ARID4B: variants seen among roughly 807,000 people sequenced by gnomAD.
ARID4B encodes the protein AT-rich interaction domain 4B.
In ARID4B, 26 loss-of-function variants were observed where a neutral mutation model predicts 147.5. The ratio of observed to expected loss-of-function variants is 0.18; its 90% CI spans 0.13 to 0.24. The LOEUF is 0.24. ARID4B is among the 10% of genes least tolerant of loss of function. The pLI, the probability that ARID4B is intolerant of heterozygous loss-of-function variation, is 1.00. For missense variants in ARID4B, 1,179 were observed against 1,511.5 expected, an observed-to-expected ratio of 0.78 and a Z score of 3.65; for synonymous variants, 512 against 507.9, an observed-to-expected ratio of 1.01 and a Z score of -0.11.
At chr1:235,247,910 C>T (rs1241167679) in intron 6 of ARID4B, among the ~76,000 whole-genome samples, 2 of 152,066 alleles carry the variant, frequency 1.3e-5, no homozygotes, top group South Asian at 2.1e-4. Flanking sequence ...ATCGCTTGAA[C>T]CCGGCAGGCA....
chr1:235,238,986 CT>C (rs5781822), intron 8 of ARID4B, among the ~76,000 whole-genome samples: 62,258 of 139,094 alleles, frequency 0.45, 13,480 homozygotes, highest in South Asian at 0.59. Context: ...TTTTTTTCTT[CT>C]TTTTTTTTTT....
At chr1:235,253,220 A>G (rs1669750272) in intron 5 of ARID4B, among the ~76,000 whole-genome samples, 1 of 152,238 alleles carries the variant, frequency 6.6e-6, no homozygotes. Context: ...CTTTAAAAAA[A>G]TAACTGTATT....
chr1:235,320,075 C>T (rs527967665), intron 2 of ARID4B, among the ~76,000 whole-genome samples: 5 of 151,336 alleles, frequency 3.3e-5, no homozygotes, highest in East Asian at 1.9e-4. Flanking sequence ...TGCAGTGAGC[C>T]GAGATCGTGC....
chr1:235,263,830 A>C (rs1271621331), intron 2 of ARID4B, among the ~76,000 whole-genome samples: 1 of 151,944 alleles, frequency 6.6e-6, no homozygotes, highest in African/African-American at 2.4e-5. Flanking sequence ...TACTAAAAAA[A>C]AAAAATACAA....
At chr1:235,297,389 A>C (rs1672813188) in intron 2 of ARID4B, among the ~76,000 whole-genome samples, 1 of 152,214 alleles carries the variant, frequency 6.6e-6, no homozygotes, top group African/African-American at 2.4e-5. Flanking sequence ...GAGAGGAATT[A>C]AATTTTTATA....
chr1:235,232,776 T>C (rs900846306), intron 9 of ARID4B, among the ~76,000 whole-genome samples: 1 of 152,200 alleles, frequency 6.6e-6, no homozygotes, highest in Non-Finnish European at 1.5e-5. Context: ...ATTCAATTTC[T>C]GTGCTCAAAT....
chr1:235,285,409 A>G (rs1405649726), intron 2 of ARID4B, among the ~76,000 whole-genome samples: 3 of 152,220 alleles, frequency 2.0e-5, no homozygotes, highest in Non-Finnish European at 4.4e-5. Context: ...TACAAAATCC[A>G]TAAGCCACTC....
Position 235,219,865 on chromosome 1 carries a change from T to C in ARID4B, c.1511A>G (p.Asp504Gly). Residue 504 changes from aspartate (D) to glycine (G), a missense_variant, in exon 16 of 24, where the codon GAT (aspartate) becomes GGT (glycine). By Grantham distance (94) the Asp-to-Gly change is moderately conservative. Transcript: ENST00000264183. The part of the protein sequence containing the change: ...PEDNENLDDK[D>G]DDTTRVDESL... ...TTCATCTACCCTAGTTGTGTCATCATCTTTGTCATCCAGATTTTCATTGTC... is the reference window on the plus strand; with the variant it reads ...TTCATCTACCCTAGTTGTGTCATCACCTTTGTCATCCAGATTTTCATTGTC... The C allele has an allele frequency of 6.2e-7, 1 of 1,609,964 alleles. No individual in the cohort carries two copies. Among genetic ancestry groups the C allele is most frequent in the Non-Finnish European group, 8.5e-7 (1 of 1,178,550 alleles).
intron 2 of ARID4B, among the ~76,000 whole-genome samples, chr1:235,310,396 TAAC>T (rs1673965276): frequency 6.6e-6 from 1 of 152,198 alleles, no homozygotes; most frequent in Admixed American, 6.5e-5. Flanking sequence ...TTCAGTTTAC[TAAC>T]AAAAGAACAG....
chr1:235,268,111 G>A (rs74148461), intron 2 of ARID4B, among the ~76,000 whole-genome samples: 6,045 of 152,114 alleles, frequency 0.04, 448 homozygotes, highest in African/African-American at 0.14. Flanking sequence ...GTCCTGTGGC[G>A]GAGGACATGG....
At chr1:235,327,217 A>C in intron 1 of ARID4B, 1 of 342,026 alleles carries the variant, frequency 2.9e-6, no homozygotes. Context: ...CCCGTCTACG[A>C]CAATGACGCC....
chr1:235,284,322 T>G (rs1242138377), intron 2 of ARID4B, among the ~76,000 whole-genome samples: 1 of 152,160 alleles, frequency 6.6e-6, no homozygotes, highest in African/African-American at 2.4e-5. Context: ...ATTATGCCAC[T>G]GCACTCCAGC....
chr1:235,213,678 A>C (rs1666854531), intron 17 of ARID4B, 91 bp downstream of exon 17: 1 of 1,372,304 alleles, frequency 7.3e-7, no homozygotes, highest in South Asian at 1.5e-5. Flanking sequence ...TAGAATACTA[A>C]TAAATCTGTA....
chr1:235,309,492 C>T (rs1409568276), intron 2 of ARID4B, among the ~76,000 whole-genome samples: 1 of 149,344 alleles, frequency 6.7e-6, no homozygotes, highest in Non-Finnish European at 1.5e-5. Context: ...CCCGGCCGCC[C>T]CTACTGGAAA....
chr1:235,272,040 G>T (rs1249549223), intron 2 of ARID4B, among the ~76,000 whole-genome samples: 1 of 152,036 alleles, frequency 6.6e-6, no homozygotes, highest in Admixed American at 6.5e-5. Context: ...GATTTTGAAA[G>T]ACGTCATCAA....
chr1:235,174,435 T>A (rs1663701740), intron 22 of ARID4B, among the ~76,000 whole-genome samples: 1 of 152,172 alleles, frequency 6.6e-6, no homozygotes. Context: ...CCAAATAAGG[T>A]CTATACATTG....
chr1:235,285,369 T>A (rs1671907475), intron 2 of ARID4B, among the ~76,000 whole-genome samples: 1 of 152,150 alleles, frequency 6.6e-6, no homozygotes. Context: ...ACAGATTACC[T>A]CAATATATCC....
At chr1:235,257,083 G>A in intron 4 of ARID4B, 77 bp downstream of exon 4, 3 of 968,834 alleles carry the variant, frequency 3.1e-6, no homozygotes, top group South Asian at 1.4e-5. Flanking sequence ...AATAACAAAA[G>A]AGCCAATGAA....
Position 235,257,142 on chromosome 1 carries a change from AATGAATAC to A in ARID4B, c.183+10_183+17del. The A allele has an allele frequency of 6.4e-7, 1 of 1,565,874 alleles. No individual in the cohort carries two copies. Among genetic ancestry groups the A allele is most frequent in the African/African-American group, 1.4e-5 (1 of 74,028 alleles). On this transcript the variant is annotated intron_variant, in intron 4 of 23. Coordinates refer to ENST00000264183, the MANE Select transcript of ARID4B (RefSeq NM_016374.6). ...TTCCCAAACAACCATTAGAATTAAC[AATGAATAC>A]ATGAATTACCTTTAGTGGGCCCTTT...
Sources: gnomAD v4.1 joint callset for allele counts (sites outside exome capture counted in the v4.1 genomes callset) on GRCh38, gnomAD v4.1.1 for gene constraint, MANE v1.5 for transcripts, NCBI Gene and HGNC (gene_info 2026-07-23, HGNC 2026-07-21) for gene names.